Variants in ATP11C observed in about 807,000 individuals in gnomAD.
ATP11C encodes ATPase phospholipid transporting 11C (ATP11C blood group), also known as phospholipid-transporting ATPase IG.
A neutral mutation model predicts 97.4 loss-of-function variants in ATP11C; 36 were observed. That is an observed-to-expected ratio of 0.37 (90% confidence interval 0.28 to 0.49). The LOEUF is 0.49. Ranked by LOEUF, ATP11C falls within the 20% of genes least tolerant of loss-of-function variation. ATP11C has a pLI of 0.98. For synonymous variants in ATP11C, 275 were observed against 290.9 expected, an observed-to-expected ratio of 0.95 and a Z score of 0.56; for missense variants, 730 against 824.6, an observed-to-expected ratio of 0.89 and a Z score of 1.40.
chrX:139,740,188 T>A (rs2081527061), intron 27 of ATP11C, among the ~76,000 whole-genome samples: 1 of 111,507 alleles, frequency 9.0e-6, no homozygotes, highest in African/African-American at 3.3e-5. Context: ...GCTGCTGGCA[T>A]CCTTGTCAGG....
intron 1 of ATP11C, among the ~76,000 whole-genome samples, chrX:139,882,254 A>G (rs2084572174): frequency 9.0e-6 from 1 of 111,715 alleles, no homozygotes; most frequent in South Asian, 3.7e-4. Flanking sequence ...ACATTCTGAG[A>G]TTTTCCTTCA....
intron 1 of ATP11C, among the ~76,000 whole-genome samples, chrX:139,865,631 G>A (rs535494404): frequency 9.1e-6 from 1 of 110,200 alleles, no homozygotes; most frequent in African/African-American, 3.3e-5. Flanking sequence ...GCGTGGTGGC[G>A]TGCACCTGTA....
chrX:139,890,171 G>A (rs1306600291), intron 1 of ATP11C, among the ~76,000 whole-genome samples: 1 of 111,153 alleles, frequency 9.0e-6, no homozygotes, highest in Non-Finnish European at 1.9e-5. Flanking sequence ...TGTTTTGGCA[G>A]GCAGGTAGCT....
intron 28 of ATP11C, among the ~76,000 whole-genome samples, chrX:139,734,518 T>C (rs2081405888): frequency 9.0e-6 from 1 of 111,692 alleles, no homozygotes; most frequent in Non-Finnish European, 1.9e-5. Context: ...CCATTGGAAA[T>C]GTGAAATGGT....
intron 1 of ATP11C, among the ~76,000 whole-genome samples, chrX:139,874,209 A>ATTTTTTTTTTT (rs140962708): frequency 1.2e-5 from 1 of 82,016 alleles, no homozygotes; most frequent in African/African-American, 5.4e-5. Flanking sequence ...TGCCTGGCTA[A>ATTTTTTTTTTT]TTTTTTTTTT....
At chrX:139,857,526 T>C (rs765155151) in intron 1 of ATP11C, among the ~76,000 whole-genome samples, 19 of 111,552 alleles carry the variant, frequency 1.7e-4, no homozygotes, top group African/African-American at 5.9e-4. Context: ...TCCGATTACC[T>C]GCTACCTGCT....
chrX:139,851,177 G>A (rs1318820251), intron 1 of ATP11C, among the ~76,000 whole-genome samples: 2 of 111,033 alleles, frequency 1.8e-5, no homozygotes, highest in African/African-American at 6.6e-5. Context: ...ACAGACCTGG[G>A]GCATACTCCA....
Position 139,932,694 on chromosome X carries a change from T to G in ATP11C, c.-652A>C, listed in dbSNP as rs2085462004. ...TCGCAGCCCCTCCTCGGTCCGCGGC[T>G]GCCGCGCCGCCCCGCGCTCTGGTCC... On this transcript the variant is annotated 5_prime_UTR_variant, in exon 1 of 30. Transcript: ENST00000682941. 1 of 112,150 alleles carries G rather than the reference T, an allele frequency of 8.9e-6. No individual in the cohort carries two copies. Among genetic ancestry groups the G allele is most frequent in the Non-Finnish European group, 1.9e-5 (1 of 53,281 alleles). 9.2% of individuals were successfully genotyped at this position (112,150 alleles called of 1,213,427 possible).
rs760355949 is a variant in ATP11C at position 139,925,690 on chromosome X, T to C, written c.27+6326A>G. 8.9e-5 allele frequency among the ~76,000 whole-genome samples: 10 copies of C among 111,980 alleles called. No individual in the cohort carries two copies. The East Asian group carries it at 2.5e-3, about 28-fold the overall frequency. Reference sequence around the variant, plus strand: ...AAAGAGAAAGGGACTAGGAAAACATTGCCACATTAATACTTTATGACAACA... The same window carrying C: ...AAAGAGAAAGGGACTAGGAAAACATCGCCACATTAATACTTTATGACAACA... On this transcript the variant is annotated intron_variant, in intron 1 of 29. Transcript: ENST00000682941.
At chrX:139,732,399 A>T (rs1407679654) in intron 28 of ATP11C, 1 of 337,412 alleles carries the variant, frequency 3.0e-6, no homozygotes, top group Admixed American at 2.8e-5. Flanking sequence ...GCAAATGAGA[A>T]TGCAAGCAAG....
At chrX:139,744,567 T>TA (rs2081640394) in intron 25 of ATP11C, among the ~76,000 whole-genome samples, 3 of 112,098 alleles carry the variant, frequency 2.7e-5, no homozygotes, top group Admixed American at 1.9e-4. Flanking sequence ...GCCAGCTACA[T>TA]AAAATCTGTC....
intron 1 of ATP11C, among the ~76,000 whole-genome samples, chrX:139,912,410 A>G (rs1323893371): frequency 9.0e-6 from 1 of 110,851 alleles, no homozygotes; most frequent in East Asian, 2.8e-4. Flanking sequence ...TGCTAATGTT[A>G]TAATTCTCAA....
chrX:139,785,832 AG>A (rs1161154869), intron 15 of ATP11C, among the ~76,000 whole-genome samples: 2 of 111,687 alleles, frequency 1.8e-5, no homozygotes, highest in African/African-American at 3.3e-5. Context: ...GTCATCTGAA[AG>A]GAGGTTTCCT....
At chrX:139,806,186 G>C (rs1403873848) in intron 5 of ATP11C, among the ~76,000 whole-genome samples, 1 of 111,629 alleles carries the variant, frequency 9.0e-6, no homozygotes, top group Non-Finnish European at 1.9e-5. Context: ...ATGGGTATGA[G>C]TCAGATCACA....
At chrX:139,786,234 G>A (rs2082569903) in intron 15 of ATP11C, among the ~76,000 whole-genome samples, 1 of 111,372 alleles carries the variant, frequency 9.0e-6, no homozygotes, top group Non-Finnish European at 1.9e-5. Flanking sequence ...AAAGTGAGAG[G>A]AAATATTTCC....
intron 12 of ATP11C, among the ~76,000 whole-genome samples, chrX:139,793,874 A>G (rs768072381): frequency 6.3e-5 from 7 of 111,251 alleles, no homozygotes; most frequent in Non-Finnish European, 1.1e-4. Flanking sequence ...CCCCAGTGAT[A>G]TTTTTAAAAA....
rs181192569 is a variant in ATP11C, at chrX:139,860,344, G to A, written c.28-33521C>T. 3.3e-4 allele frequency among the ~76,000 whole-genome samples: 37 copies of A among 111,040 alleles called. 1 individual carries two copies. In the Middle Eastern group the frequency reaches 0.028, roughly 83 times the overall value. ...TTTCCAATCTAATTTACCATTTGAG[G>A]ACTTGAAATAGAAAATTTAAAAAAA... On this transcript the variant is annotated intron_variant, in intron 1 of 29. Transcript: ENST00000682941.
intron 20 of ATP11C, among the ~76,000 whole-genome samples, chrX:139,767,104 C>A (rs186753888): frequency 9.0e-6 from 1 of 111,484 alleles, no homozygotes; most frequent in African/African-American, 3.3e-5. Flanking sequence ...GAGCCCCAGG[C>A]GCCACATTCA....
At chrX:139,826,582 A>G (rs1365453365) in intron 2 of ATP11C, 122 bp downstream of exon 2, 5 of 496,773 alleles carry the variant, frequency 1.0e-5, no homozygotes, top group Non-Finnish European at 1.6e-5. Flanking sequence ...CTGGTATATG[A>G]TCCATATACA....
Sources: allele counts gnomAD v4.1 joint callset (sites outside exome capture counted in the v4.1 genomes callset), GRCh38; gene constraint gnomAD v4.1.1; transcripts MANE v1.5; gene names NCBI Gene and HGNC (gene_info 2026-07-23, HGNC 2026-07-21).